GASK1B: variants seen among roughly 807,000 people sequenced by gnomAD.
GASK1B encodes golgi associated kinase 1B.
GASK1B carries 34 observed loss-of-function variants against 42.8 expected under a neutral mutation model. The observed-to-expected ratio is 0.79, with a 90% confidence interval of 0.60 to 1.06. GASK1B has a LOEUF of 1.06. Ranked by LOEUF, GASK1B falls within the 50% of genes least tolerant of loss-of-function variation. The pLI is 0.00. For missense variants in GASK1B, 686 were observed against 661.0 expected (o/e 1.04, Z -0.42); for synonymous variants, 262 against 259.1 (o/e 1.01, Z -0.11).
In GASK1B at chr4:158,127,032, C is replaced by G; in HGVS notation, c.*375G>C. The G allele has an allele frequency of 5.5e-6, 1 of 180,730 alleles. No individual in the cohort carries two copies. The highest frequency in any genetic ancestry group is 5.7e-5 in the Admixed American group (1 of 17,454). The allele number at this position is 180,730 out of a possible 1,614,324, so 11.2% of individuals were successfully genotyped here. ...TAGTATTTGGTCAGAACAGTCAAAACGGCACAAAATATGGTTTATTAATGG... is the reference window on the plus strand; with the variant it reads ...TAGTATTTGGTCAGAACAGTCAAAAGGGCACAAAATATGGTTTATTAATGG... On this transcript the variant is annotated 3_prime_UTR_variant, in exon 5 of 5. Transcript: ENST00000585682.
intron 3 of GASK1B, among the ~76,000 whole-genome samples, chr4:158,144,346 C>A (rs539585740): frequency 6.6e-6 from 1 of 152,250 alleles, no homozygotes. Context: ...GAAATAATTT[C>A]TTCTAGTGAC....
intron 3 of GASK1B, among the ~76,000 whole-genome samples, chr4:158,153,250 T>C (rs985618341): frequency 6.6e-6 from 1 of 152,136 alleles, no homozygotes; most frequent in Admixed American, 6.5e-5. Context: ...CCTTTTACAA[T>C]AGCTGCAAAA....
intron 2 of GASK1B, among the ~76,000 whole-genome samples, chr4:158,161,602 C>T (rs1732010796): frequency 6.6e-6 from 1 of 152,144 alleles, no homozygotes; most frequent in African/African-American, 2.4e-5. Flanking sequence ...TCTAGGTCTG[C>T]CCTGAACTTC....
intron 2 of GASK1B, chr4:158,159,483 T>G (rs978864288): frequency 2.3e-6 from 1 of 433,890 alleles, no homozygotes; most frequent in African/African-American, 2.1e-5. Context: ...AAAAATTGCC[T>G]CTGAAAACAG....
At position 158,170,803 on chromosome 4, in the gene GASK1B, C is replaced by G. The variant is rs746492552; in HGVS notation, c.573G>C (p.Gly191=). 2.5e-6 allele frequency: 4 copies of G among 1,614,096 alleles called. No individual in the cohort carries two copies. The highest frequency in any genetic ancestry group is 3.4e-6 in the Non-Finnish European group (4 of 1,180,042). The change falls in exon 2 of 5, where the codon GGG becomes GGC. Residue 191 remains glycine (G), a synonymous_variant. Transcript: ENST00000585682. The part of the protein sequence containing the change: ...RLVRGPGVRA[G]GPDFLQPSSR... ...AGCTGGGCTGCAGGAAGTCTGGGCC[C>G]CCGGCTCGCACTCCCGGACCCCGCA...
chr4:158,170,288 C>G, intron 2 of GASK1B, 178 bp downstream of exon 2: 1 of 1,614,228 alleles, frequency 6.2e-7, no homozygotes, highest in Non-Finnish European at 8.5e-7. Context: ...ACTCTCATAT[C>G]CTCCCAGGCT....
At chr4:158,148,093 T>C (rs1274200318) in intron 3 of GASK1B, among the ~76,000 whole-genome samples, 1 of 151,942 alleles carries the variant, frequency 6.6e-6, no homozygotes, top group Non-Finnish European at 1.5e-5. Context: ...ATATGCCTGT[T>C]GTCCCAGTTA....
At chr4:158,128,787 G>A (rs577727362) in intron 4 of GASK1B, among the ~76,000 whole-genome samples, 20 of 152,252 alleles carry the variant, frequency 1.3e-4, no homozygotes, top group South Asian at 4.1e-4. Context: ...GAGGAAGTGC[G>A]GAATGAAAGA....
intron 3 of GASK1B, among the ~76,000 whole-genome samples, chr4:158,141,950 T>C: frequency 3.7e-5 from 1 of 26,990 alleles, no homozygotes; most frequent in African/African-American, 9.8e-5. Context: ...TTTTTTTTTT[T>C]TTTTTGAGAC....
intron 3 of GASK1B, among the ~76,000 whole-genome samples, chr4:158,154,439 G>T (rs1731680575): frequency 6.6e-6 from 1 of 152,116 alleles, no homozygotes; most frequent in African/African-American, 2.4e-5. Context: ...ACTACTATGG[G>T]AAACAGTGTG....
At chr4:158,148,043 T>C (rs1731398974) in intron 3 of GASK1B, among the ~76,000 whole-genome samples, 1 of 151,902 alleles carries the variant, frequency 6.6e-6, no homozygotes. Context: ...GAGACCTGTC[T>C]CTAAAAAAAT....
At chr4:158,135,320 C>CAAA (rs1219141206) in intron 3 of GASK1B, among the ~76,000 whole-genome samples, 17 of 56,180 alleles carry the variant, frequency 3.0e-4, no homozygotes, top group African/African-American at 5.6e-4. Flanking sequence ...GACTCCGTCT[C>CAAA]AAAAAAAAAA....
chr4:158,138,367 T>A lies in GASK1B; in HGVS notation c.1126-7355A>T, dbSNP rs191683795. Among the ~76,000 whole-genome samples the A allele has an allele frequency of 9.5e-3, 1,441 of 152,172 alleles. 17 individuals are homozygous for A. Among genetic ancestry groups the A allele is most frequent in the African/African-American group, 0.031 (1,292 of 41,506 alleles). On this transcript the variant is annotated intron_variant, in intron 3 of 4. Transcript: ENST00000585682. ...AAAGAACACTCAGACTAAAAAAAAA[T>A]TTTTGCATTTTATGAAATTCTGATT...
chr4:158,170,763 T>C lies in GASK1B; in HGVS notation c.613A>G (p.Ile205Val), dbSNP rs371556909. 2.5e-6 allele frequency: 4 copies of C among 1,614,136 alleles called. No homozygotes were observed. In the African/African-American group the frequency reaches 4.0e-5, roughly 16 times the overall value. ...FLQPSSRESN[I>V]RIYSESAPSW... ...GGGGCGCTCTCGCTGTAGATCCTAATGTTGCTCTCCCTGGAGCTGGGCTGC... is the reference window on the plus strand; with the variant it reads ...GGGGCGCTCTCGCTGTAGATCCTAACGTTGCTCTCCCTGGAGCTGGGCTGC... Residue 205 changes from isoleucine to valine, a missense_variant, in exon 2 of 5, where the codon ATT becomes GTT. Physicochemically the swap from Ile to Val is conservative, Grantham distance 29. Transcript: ENST00000585682.
chr4:158,168,453 C>CT (rs1732315120), intron 2 of GASK1B: 1 of 152,164 alleles, frequency 6.6e-6, no homozygotes, highest in Admixed American at 6.5e-5. Context: ...ATTCAATGAA[C>CT]TTGGTACCTC....
chr4:158,132,394 C>T (rs1433470777), intron 3 of GASK1B, among the ~76,000 whole-genome samples: 1 of 152,178 alleles, frequency 6.6e-6, no homozygotes, highest in Non-Finnish European at 1.5e-5. Flanking sequence ...TTGGAATGAT[C>T]ATTTATTCAT....
intron 2 of GASK1B, among the ~76,000 whole-genome samples, chr4:158,164,705 G>C (rs539032894): frequency 2.0e-5 from 3 of 152,196 alleles, no homozygotes; most frequent in Non-Finnish European, 2.9e-5. Flanking sequence ...AAGCCAGTAT[G>C]TTCGCAAGTT....
At chr4:158,170,169 G>T in intron 2 of GASK1B, 2 of 1,517,126 alleles carry the variant, frequency 1.3e-6, no homozygotes, top group South Asian at 2.4e-5. Context: ...ATTGCCGTTG[G>T]CTTTAATTAG....
chr4:158,137,765 A>G (rs1361495509), intron 3 of GASK1B, among the ~76,000 whole-genome samples: 1 of 151,824 alleles, frequency 6.6e-6, no homozygotes. Flanking sequence ...GCGAACTCTC[A>G]CCGCATAAAA....
Sources: gnomAD v4.1 joint callset for allele counts (sites outside exome capture counted in the v4.1 genomes callset) on GRCh38, gnomAD v4.1.1 for gene constraint, MANE v1.5 for transcripts, NCBI Gene and HGNC (gene_info 2026-07-23, HGNC 2026-07-21) for gene names.